GDAP1: variants seen among roughly 807,000 people sequenced by gnomAD.
GDAP1 encodes ganglioside induced differentiation associated protein 1, also known as ganglioside-induced differentiation-associated protein 1.
A neutral mutation model predicts 40.1 loss-of-function variants in GDAP1; 34 were observed. That is an observed-to-expected ratio of 0.85 (90% CI 0.64 to 1.13). The LOEUF is 1.13. Among genes scored for constraint, GDAP1 ranks in the 50% most tolerant of loss-of-function variants. GDAP1 has a pLI of 0.00. For missense variants in GDAP1, 374 were observed against 433.7 expected (o/e 0.86, Z 1.22); for synonymous variants, 170 against 157.4 (o/e 1.08, Z -0.60).
chr8:74,471,913 C>T (rs954888148), intron 2 of GDAP1, among the ~76,000 whole-genome samples: 1 of 152,096 alleles, frequency 6.6e-6, no homozygotes, highest in Non-Finnish European at 1.5e-5. Flanking sequence ...AGAGGTTGTC[C>T]ATTCACTTAA....
intron 2 of GDAP1, among the ~76,000 whole-genome samples, chr8:74,382,814 G>A (rs1809974205): frequency 6.6e-6 from 1 of 151,586 alleles, no homozygotes; most frequent in Admixed American, 6.6e-5. Flanking sequence ...TTGGAATTTT[G>A]AACTATTCAG....
downstream of GDAP1, among the ~76,000 whole-genome samples, chr8:74,368,146 C>T (rs148762751): frequency 3.0e-3 from 464 of 152,200 alleles, no homozygotes; most frequent in Non-Finnish European, 5.3e-3. Context: ...AGTAGGAGAG[C>T]CAATAGTATA....
chr8:74,399,639 G>A (rs1452332380), intron 2 of GDAP1, among the ~76,000 whole-genome samples: 3 of 134,476 alleles, frequency 2.2e-5, no homozygotes, highest in Non-Finnish European at 4.6e-5. Context: ...TAATTGTGAT[G>A]TTAGGGTGTC....
Position 74,350,590 on chromosome 8 carries a change from C to G in GDAP1, c.117+12C>G, listed in dbSNP as rs202059380. The stretch of plus-strand genomic sequence containing the variant: ...TCAGCTCTCAAAAGGTACAACAGGC[C>G]TTGGCGGCGGAGGGTGGCGCGGATC... On this transcript the variant is annotated intron_variant, in intron 1 of 5. Coordinates refer to ENST00000220822, the MANE Select transcript of GDAP1 (RefSeq NM_018972.4). The G allele has an allele frequency of 4.8e-4, 718 of 1,501,518 alleles. No homozygotes were observed. The African/African-American group carries it at 8.4e-3, about 18-fold the overall frequency. 93.0% of individuals were successfully genotyped at this position (1,501,518 alleles called of 1,614,324 possible).
At chr8:74,464,939 G>T (rs1806449439) in intron 2 of GDAP1, among the ~76,000 whole-genome samples, 1 of 152,056 alleles carries the variant, frequency 6.6e-6, no homozygotes, top group African/African-American at 2.4e-5. Flanking sequence ...TAAGCTGTCG[G>T]CCAGGCATGG....
chr8:74,481,235 G>A (rs190914638), intron 2 of GDAP1, among the ~76,000 whole-genome samples: 4 of 151,758 alleles, frequency 2.6e-5, no homozygotes, highest in East Asian at 1.9e-4. Context: ...GCATTTGGAC[G>A]CTAGTAAAAA....
At chr8:74,451,521 T>G in intron 2 of GDAP1, among the ~76,000 whole-genome samples, 1 of 83,858 alleles carries the variant, frequency 1.2e-5, no homozygotes, top group Middle Eastern at 7.8e-3. Context: ...AAGTACATTT[T>G]TACCATTAAA....
chr8:74,371,767 A>T (rs184538765), downstream of GDAP1, among the ~76,000 whole-genome samples: 133 of 120,172 alleles, frequency 1.1e-3, 2 homozygotes, highest in Admixed American at 8.9e-3. Context: ...TTTGTTAAAA[A>T]TTTTTTATTT....
intron 2 of GDAP1, among the ~76,000 whole-genome samples, chr8:74,355,191 AG>A (rs777346562): frequency 1.8e-4 from 27 of 152,130 alleles, no homozygotes; most frequent in Non-Finnish European, 2.6e-4. Context: ...TTTGGAAAGC[AG>A]TCATACAGAA....
intron 2 of GDAP1, among the ~76,000 whole-genome samples, chr8:74,410,704 A>G (rs572991998): frequency 1.3e-5 from 2 of 150,296 alleles, no homozygotes; most frequent in South Asian, 4.1e-4. Context: ...AAGGTGGACA[A>G]GTCTGGGAAC....
intron 2 of GDAP1, among the ~76,000 whole-genome samples, chr8:74,393,524 A>G (rs897359095): frequency 9.9e-5 from 15 of 152,174 alleles, no homozygotes; most frequent in Non-Finnish European, 2.1e-4. Context: ...AGCCTAGAAA[A>G]ATGATAATGA....
In GDAP1 at chr8:74,365,212, A is replaced by T; in HGVS notation, c.*845A>T. On this transcript the variant is annotated 3_prime_UTR_variant, in exon 6 of 6. Coordinates refer to ENST00000220822, the MANE Select transcript of GDAP1 (RefSeq NM_018972.4). ...TTTTGATGATCTGGGAGCACCAAAT[A>T]TGTTCATTCTTCGTTTGGGGAGGCT... The T allele has an allele frequency of 2.2e-6, 1 of 454,114 alleles. No homozygotes were observed. The highest frequency in any genetic ancestry group is 6.9e-4 in the Middle Eastern group (1 of 1,444). 28.1% of individuals were successfully genotyped at this position (454,114 alleles called of 1,614,324 possible).
chr8:74,423,232 A>G (rs1025292949), intron 2 of GDAP1, among the ~76,000 whole-genome samples: 3 of 145,066 alleles, frequency 2.1e-5, no homozygotes, highest in African/African-American at 7.8e-5. Context: ...TATATATAAT[A>G]TGATATGTAT....
intron 2 of GDAP1, among the ~76,000 whole-genome samples, chr8:74,468,962 A>C (rs948137921): frequency 6.6e-6 from 1 of 152,172 alleles, no homozygotes; most frequent in African/African-American, 2.4e-5. Context: ...ATTATTAATT[A>C]TTAAAAATTA....
At chr8:74,402,602 C>A (rs948176246) in intron 2 of GDAP1, among the ~76,000 whole-genome samples, 1 of 150,218 alleles carries the variant, frequency 6.7e-6, no homozygotes, top group African/African-American at 2.5e-5. Flanking sequence ...TGAGATGAAC[C>A]TGGTACCTGA....
intron 2 of GDAP1, among the ~76,000 whole-genome samples, chr8:74,449,315 T>G (rs1806269348): frequency 6.6e-6 from 1 of 151,962 alleles, no homozygotes; most frequent in Non-Finnish European, 1.5e-5. Flanking sequence ...TGTTTTGACA[T>G]ACAAGCTCTT....
chr8:74,433,781 C>T (rs1159178488), intron 2 of GDAP1, among the ~76,000 whole-genome samples: 1 of 152,122 alleles, frequency 6.6e-6, no homozygotes, highest in South Asian at 2.1e-4. Context: ...GGCACTAGCC[C>T]AGACCTTCAG....
chr8:74,432,544 C>T (rs1197824776), intron 2 of GDAP1, among the ~76,000 whole-genome samples: 2 of 152,144 alleles, frequency 1.3e-5, no homozygotes, highest in Non-Finnish European at 2.9e-5. Flanking sequence ...TTCCACTCTG[C>T]CTGTATCCCT....
At chr8:74,422,177 T>C (rs1216417208) in intron 2 of GDAP1, among the ~76,000 whole-genome samples, 2 of 148,734 alleles carry the variant, frequency 1.3e-5, no homozygotes, top group African/African-American at 5.2e-5. Context: ...TTTCTTTTCT[T>C]TCTTTCTTTT....
Sources: gnomAD v4.1 joint callset for allele counts (sites outside exome capture counted in the v4.1 genomes callset) on GRCh38, gnomAD v4.1.1 for gene constraint, MANE v1.5 for transcripts, NCBI Gene and HGNC (gene_info 2026-07-23, HGNC 2026-07-21) for gene names.